Variants in CTNNA2 observed in about 807,000 individuals in gnomAD.
The protein encoded by CTNNA2 is catenin alpha-2.
In CTNNA2, 42 loss-of-function variants were observed where a neutral mutation model predicts 101.0. That is an observed-to-expected ratio of 0.42 (90% confidence interval 0.32 to 0.54). The LOEUF (loss-of-function observed/expected upper bound fraction) is 0.54, where lower values mean the gene tolerates loss of function less well. Among genes scored for constraint, CTNNA2 ranks in the 20% least tolerant of loss-of-function variants. The pLI, the probability that CTNNA2 is intolerant of heterozygous loss-of-function variation, is 0.14. For missense variants in CTNNA2, 871 were observed against 1,223.1 expected, an observed-to-expected ratio of 0.71 and a Z score of 4.29; for synonymous variants, 450 against 456.4, an observed-to-expected ratio of 0.99 and a Z score of 0.18.
intron 11 of CTNNA2, among the ~76,000 whole-genome samples, chr2:80,546,518 A>G (rs530233967): frequency 6.6e-6 from 1 of 152,360 alleles, no homozygotes; most frequent in South Asian, 2.1e-4. Context: ...AGGTAGAGAT[A>G]TCAGCCACAG....
chr2:79,882,581 G>T lies in CTNNA2; in HGVS notation c.852+8239G>T, dbSNP rs186693436. Among the ~76,000 whole-genome samples, 292 of 152,344 alleles carry T rather than the reference G, an allele frequency of 1.9e-3. 1 individual carries two copies. The highest frequency in any genetic ancestry group is 6.8e-3 in the African/African-American group (283 of 41,592). ...CCTGGCTCCAGCAGGGGAAAAGCAT[G>T]GCCTGGAGCTATAGAAATGGATGTC... On this transcript the variant is annotated intron_variant, in intron 6 of 18. Coordinates refer to ENST00000402739, the MANE Select transcript of CTNNA2 (RefSeq NM_001282597.3).
Position 80,303,204 on chromosome 2 carries a change from C to T in CTNNA2, c.1057-90007C>T, listed in dbSNP as rs1411514425. The T allele has an allele frequency of 1.2e-6, 2 of 1,613,810 alleles. No homozygotes were observed. The highest frequency in any genetic ancestry group is 4.5e-5 in the East Asian group (2 of 44,850). ...AGCTCGGTGAGCTTAAACAAGCCGG[C>T]GAAAGAGTTGCGCGCCAGACTCTTG... is the stretch of plus-strand genomic sequence containing the variant. On this transcript the variant is annotated intron_variant, in intron 7 of 18. Coordinates refer to ENST00000402739, the MANE Select transcript of CTNNA2 (RefSeq NM_001282597.3). The surrounding 1 kb of genome is among the most constrained non-coding windows in gnomAD (Gnocchi z 7.7).
At chr2:80,071,136 A>T (rs1572993278) in intron 7 of CTNNA2, among the ~76,000 whole-genome samples, 2 of 152,358 alleles carry the variant, frequency 1.3e-5, no homozygotes, top group Admixed American at 1.3e-4. Flanking sequence ...ACATCACTTC[A>T]TTCCAAAGCC....
At chr2:80,234,423 C>T (rs1709433779) in intron 7 of CTNNA2, among the ~76,000 whole-genome samples, 1 of 152,194 alleles carries the variant, frequency 6.6e-6, no homozygotes, top group African/African-American at 2.4e-5. Flanking sequence ...TTTTTGGTGG[C>T]TTCTAGGAAA....
At chr2:79,424,374 A>G (rs756533969) in intron 4 of CTNNA2, among the ~76,000 whole-genome samples, 2 of 152,132 alleles carry the variant, frequency 1.3e-5, no homozygotes, top group Non-Finnish European at 2.9e-5. Flanking sequence ...ATTCTTTTTC[A>G]AGTATGAGGC....
At chr2:79,752,782 A>C (rs1400629411) in intron 3 of CTNNA2, among the ~76,000 whole-genome samples, 3 of 152,184 alleles carry the variant, frequency 2.0e-5, no homozygotes, top group Non-Finnish European at 4.4e-5. Flanking sequence ...AAAGGCAAGC[A>C]CAAAATTACA....
At chr2:79,530,496 A>T (rs76419912) in intron 1 of CTNNA2, among the ~76,000 whole-genome samples, 2 of 150,612 alleles carry the variant, frequency 1.3e-5, no homozygotes, top group Non-Finnish European at 3.0e-5. Flanking sequence ...TCACTGGTTG[A>T]TTTTTTTTTT....
In CTNNA2 at chr2:79,797,638, G is replaced by A. The variant is rs1371472323; in HGVS notation, c.298+53056G>A. ...ATCACACCACTGCACTCCAGCCTGGGTGACAGAGCAAGACTCTGTCTTAAA... is the reference window on the plus strand; with the variant it reads ...ATCACACCACTGCACTCCAGCCTGGATGACAGAGCAAGACTCTGTCTTAAA... On this transcript the variant is annotated intron_variant, in intron 3 of 18. Coordinates refer to ENST00000402739, the MANE Select transcript of CTNNA2 (RefSeq NM_001282597.3). 4.4e-5 allele frequency among the ~76,000 whole-genome samples: 6 copies of A among 135,834 alleles called. No homozygotes were observed. In the East Asian group the frequency reaches 1.3e-3, roughly 30 times the overall value. 89.1% of individuals were successfully genotyped at this position (135,834 alleles called of 152,430 possible).
At chr2:79,289,914 G>C (rs1055436169) in intron 2 of CTNNA2, among the ~76,000 whole-genome samples, 1 of 152,112 alleles carries the variant, frequency 6.6e-6, no homozygotes, top group African/African-American at 2.4e-5. Flanking sequence ...TTACTAGCTG[G>C]AGAACTTTGG....
chr2:79,519,668 G>C (rs1558693785), intron 1 of CTNNA2, among the ~76,000 whole-genome samples: 2 of 151,972 alleles, frequency 1.3e-5, no homozygotes, highest in Admixed American at 1.3e-4. Context: ...AACTTCTGCT[G>C]CATAAGGAAA....
chr2:79,428,242 G>A (rs1678613171), intron 4 of CTNNA2, among the ~76,000 whole-genome samples: 1 of 151,990 alleles, frequency 6.6e-6, no homozygotes, highest in Admixed American at 6.6e-5. Flanking sequence ...CAATCAAGGA[G>A]CAGTTTCCTT....
At chr2:79,524,208 A>T (rs1022624918) in intron 1 of CTNNA2, among the ~76,000 whole-genome samples, 2 of 151,932 alleles carry the variant, frequency 1.3e-5, no homozygotes, top group African/African-American at 4.8e-5. Context: ...TAATCTTTCC[A>T]TTGGCAGGTC....
intron 7 of CTNNA2, among the ~76,000 whole-genome samples, chr2:80,181,752 C>G (rs1259869010): frequency 6.6e-6 from 1 of 152,190 alleles, no homozygotes. Flanking sequence ...TATAGAGTCA[C>G]TGTATTCTTT....
At chr2:79,735,910 C>A (rs1220058746) in intron 2 of CTNNA2, among the ~76,000 whole-genome samples, 1 of 152,106 alleles carries the variant, frequency 6.6e-6, no homozygotes, top group Non-Finnish European at 1.5e-5. Context: ...ATTTTTAATG[C>A]ATCATTAAAA....
intron 2 of CTNNA2, among the ~76,000 whole-genome samples, chr2:79,229,822 G>T (rs1946644): frequency 0.085 from 12,566 of 147,844 alleles, 699 homozygotes; most frequent in East Asian, 0.18. Flanking sequence ...TGGAATCAGA[G>T]AGAAATGAGG....
chr2:80,289,136 T>A (rs1207367096), intron 7 of CTNNA2: 2 of 152,206 alleles, frequency 1.3e-5, no homozygotes, highest in Non-Finnish European at 2.9e-5. Flanking sequence ...AGCAGATATA[T>A]GCTGCGGATG....
intron 7 of CTNNA2, among the ~76,000 whole-genome samples, chr2:80,234,375 TTCGTAGAACCTTTCCCCCACCC>T (rs1248042029): frequency 6.6e-6 from 1 of 152,224 alleles, no homozygotes; most frequent in Non-Finnish European, 1.5e-5. Context: ...GGTATTAATC[TTCGTAGAACCTTTCCCCCACCC>T]TAACACCTCT....
intron 9 of CTNNA2, among the ~76,000 whole-genome samples, chr2:80,457,620 C>G (rs1684091916): frequency 6.6e-6 from 1 of 152,066 alleles, no homozygotes; most frequent in African/African-American, 2.4e-5. Flanking sequence ...AGAATTCTTT[C>G]CAAACTCATC....
intron 2 of CTNNA2, among the ~76,000 whole-genome samples, chr2:79,734,675 T>C (rs964753626): frequency 2.0e-5 from 3 of 152,122 alleles, no homozygotes; most frequent in Non-Finnish European, 4.4e-5. Flanking sequence ...AGAGCCAGGA[T>C]TGAGACTAAT....
Sources: allele counts gnomAD v4.1 joint callset (sites outside exome capture counted in the v4.1 genomes callset), GRCh38; gene constraint gnomAD v4.1.1; non-coding constraint Gnocchi (gnomAD v3.1); transcripts MANE v1.5; gene names NCBI Gene and HGNC (gene_info 2026-07-23, HGNC 2026-07-21).